Variants in SRGAP1 observed in about 807,000 individuals in gnomAD.
The protein encoded by SRGAP1 is SLIT-ROBO Rho GTPase-activating protein 1.
SRGAP1 carries 43 observed loss-of-function variants against 121.9 expected under a neutral mutation model. That is an observed-to-expected ratio of 0.35 (90% CI 0.28 to 0.46). The LOEUF is 0.46. SRGAP1 is among the 20% of genes least tolerant of loss of function. The pLI is 1.00. For synonymous variants in SRGAP1, 447 were observed against 485.4 expected, an observed-to-expected ratio of 0.92 and a Z score of 1.04; for missense variants, 1,102 against 1,350.9, an observed-to-expected ratio of 0.82 and a Z score of 2.89.
At chr12:63,864,979 T>C (rs888963109) in intron 1 of SRGAP1, among the ~76,000 whole-genome samples, 1 of 152,096 alleles carries the variant, frequency 6.6e-6, no homozygotes, top group Admixed American at 6.6e-5. Flanking sequence ...AAAATGGAAG[T>C]TCTCCCCTTT....
At chr12:63,911,628 A>G (rs1415852524) in intron 1 of SRGAP1, among the ~76,000 whole-genome samples, 1 of 152,176 alleles carries the variant, frequency 6.6e-6, no homozygotes, top group African/African-American at 2.4e-5. Context: ...GTGAAGTGGC[A>G]CCACGTTGCT....
intron 1 of SRGAP1, among the ~76,000 whole-genome samples, chr12:63,865,578 T>C (rs1282416682): frequency 1.3e-5 from 2 of 152,164 alleles, no homozygotes. Context: ...AAAAAGTCAT[T>C]GAGATACTTG....
intron 1 of SRGAP1, among the ~76,000 whole-genome samples, chr12:63,894,290 A>G (rs571737677): frequency 6.6e-6 from 1 of 152,022 alleles, no homozygotes; most frequent in Admixed American, 6.6e-5. Context: ...TCATCAGAGT[A>G]GTTAAAATTG....
Position 64,142,922 on chromosome 12 carries a change from T to C in SRGAP1, c.*250T>C. On this transcript the variant is annotated 3_prime_UTR_variant, in exon 22 of 22. Coordinates refer to ENST00000355086, the MANE Select transcript of SRGAP1 (RefSeq NM_020762.4). ...AGAAACACTTAGACTTACTTGAAAA[T>C]CCAATGCTGCACCACTTGTAATGAA... 4 of 488,798 alleles carry C rather than the reference T, an allele frequency of 8.2e-6. No individual in the cohort carries two copies. In the South Asian group the frequency reaches 9.8e-5, roughly 12 times the overall value. The allele number at this position is 488,798 out of a possible 1,614,324, so 30.3% of individuals were successfully genotyped here.
At chr12:63,933,070 C>T (rs137978425) in intron 1 of SRGAP1, among the ~76,000 whole-genome samples, 15 of 152,226 alleles carry the variant, frequency 9.9e-5, no homozygotes, top group African/African-American at 1.9e-4. Context: ...CGCCTGTAGT[C>T]CCAGCTACTC....
At chr12:63,851,716 C>G (rs1899081390) in intron 1 of SRGAP1, among the ~76,000 whole-genome samples, 1 of 151,666 alleles carries the variant, frequency 6.6e-6, no homozygotes, top group Admixed American at 6.6e-5. Context: ...AGGCATGCAC[C>G]CCCATGCCCA....
chr12:64,121,883 G>T (rs1316120146), intron 18 of SRGAP1, among the ~76,000 whole-genome samples: 10 of 152,098 alleles, frequency 6.6e-5, no homozygotes, highest in Non-Finnish European at 1.3e-4. Context: ...ATTCTCACCC[G>T]CAGCCAACCT....
At chr12:64,115,492 G>A (rs570868255) in intron 17 of SRGAP1, among the ~76,000 whole-genome samples, 1 of 152,286 alleles carries the variant, frequency 6.6e-6, no homozygotes, top group East Asian at 1.9e-4. Context: ...GGGCATGGTG[G>A]CTCACACCTG....
intron 17 of SRGAP1, among the ~76,000 whole-genome samples, chr12:64,113,949 CTT>C (rs1437119639): frequency 2.0e-5 from 3 of 152,208 alleles, no homozygotes; most frequent in Non-Finnish European, 2.9e-5. Flanking sequence ...GCTCACAACA[CTT>C]TCTTTCTCAT....
At chr12:63,894,924 A>G (rs1012497519) in intron 1 of SRGAP1, among the ~76,000 whole-genome samples, 12 of 151,908 alleles carry the variant, frequency 7.9e-5, no homozygotes, top group Non-Finnish European at 4.4e-5. Context: ...TAGTGCTGCA[A>G]TAAACACACA....
At chr12:63,895,014 A>G (rs965839014) in intron 1 of SRGAP1, among the ~76,000 whole-genome samples, 6 of 152,194 alleles carry the variant, frequency 3.9e-5, no homozygotes, top group African/African-American at 1.4e-4. Context: ...GGCTGGGTCA[A>G]ATGGTATTTC....
intron 1 of SRGAP1, among the ~76,000 whole-genome samples, chr12:63,852,829 C>T (rs535255856): frequency 3.3e-5 from 5 of 152,194 alleles, no homozygotes; most frequent in Admixed American, 1.3e-4. Flanking sequence ...TAATTTGCTT[C>T]TGTTTCACTA....
chr12:63,959,343 T>C (rs1476437623), intron 1 of SRGAP1, among the ~76,000 whole-genome samples: 1 of 152,184 alleles, frequency 6.6e-6, no homozygotes, highest in Non-Finnish European at 1.5e-5. Flanking sequence ...TAATTTTTTT[T>C]CCTAATTCAG....
intron 1 of SRGAP1, among the ~76,000 whole-genome samples, chr12:63,845,297 G>C (rs570444934): frequency 1.3e-5 from 2 of 152,282 alleles, no homozygotes; most frequent in African/African-American, 4.8e-5. Context: ...TGTAAAGTCT[G>C]TGAACCCCAA....
At chr12:64,141,076 A>G (rs1293870926) in intron 21 of SRGAP1, among the ~76,000 whole-genome samples, 13 of 139,360 alleles carry the variant, frequency 9.3e-5, no homozygotes, top group East Asian at 6.2e-4. Context: ...GAACAATGAG[A>G]TCACATGGAC....
rs2036979768 is a variant in SRGAP1 at position 64,142,413 on chromosome 12, C to T, written c.2999C>T (p.Pro1000Leu). Residue 1000 changes from proline (P) to leucine (L), a missense_variant, in exon 22 of 22, where the codon CCC (proline) becomes CTC (leucine). Coordinates refer to ENST00000355086, the MANE Select transcript of SRGAP1 (RefSeq NM_020762.4). ...ACCCTGGAGCAAGTGAAAAACTCTCCCACCCCTGCCACTTCCACGGAATCT... is the reference window on the plus strand; with the variant it reads ...ACCCTGGAGCAAGTGAAAAACTCTCTCACCCCTGCCACTTCCACGGAATCT... The part of the protein sequence containing the change: ...LDTLEQVKNS[P>L]TPATSTESLS... 5.0e-6 allele frequency: 8 copies of T among 1,614,098 alleles called. No homozygotes were observed. Among genetic ancestry groups the T allele is most frequent in the Non-Finnish European group, 6.8e-6 (8 of 1,180,028 alleles).
In SRGAP1 at chr12:63,990,076, C is replaced by T. The variant is rs199919959; in HGVS notation, c.426+4C>T. ...TTCTACCAGGATGTTTAAAAAGGTA[C>T]ACTCCATAAATCCTGCCATAGTGTG... On this transcript the variant is annotated splice_donor_region_variant and intron_variant, in intron 3 of 21. Transcript: ENST00000355086. 89 of 1,599,542 alleles carry T rather than the reference C, an allele frequency of 5.6e-5. 2 individuals are homozygous for T. In the Admixed American group the frequency reaches 1.5e-3, roughly 27 times the overall value.
At chr12:64,113,219 C>T (rs577490646) in intron 17 of SRGAP1, among the ~76,000 whole-genome samples, 124 of 152,112 alleles carry the variant, frequency 8.2e-4, no homozygotes, top group Middle Eastern at 3.4e-3. Context: ...ACCAGCCTGG[C>T]CAACATGGTG....
At chr12:64,006,312 C>G (rs2034080443) in intron 3 of SRGAP1, among the ~76,000 whole-genome samples, 1 of 152,072 alleles carries the variant, frequency 6.6e-6, no homozygotes, top group Admixed American at 6.6e-5. Flanking sequence ...TCCTGGTGGC[C>G]CCTTAACAGC....
Sources: gnomAD v4.1 joint callset for allele counts (sites outside exome capture counted in the v4.1 genomes callset) on GRCh38, gnomAD v4.1.1 for gene constraint, MANE v1.5 for transcripts, NCBI Gene and HGNC (gene_info 2026-07-23, HGNC 2026-07-21) for gene names.